HYPK: variants seen among roughly 807,000 people sequenced by gnomAD.
The protein encoded by HYPK is huntingtin interacting protein K.
A neutral mutation model predicts 13.9 loss-of-function variants in HYPK; 9 were observed. The observed-to-expected ratio is 0.65, with a 90% CI of 0.39 to 1.13. HYPK has a LOEUF of 1.13. HYPK is among the 50% of genes most tolerant of loss of function. HYPK has a pLI of 0.01. For synonymous variants in HYPK, 76 were observed against 57.0 expected (o/e 1.33, Z -1.50); for missense variants, 138 against 157.6 (o/e 0.88, Z 0.67).
chr15:43,800,535 A>C, upstream of HYPK: 1 of 1,563,782 alleles, frequency 6.4e-7, no homozygotes, highest in East Asian at 2.3e-5. Context: ...GCCCAGGGCC[A>C]GCCCCGCCTC....
rs539746136 is a variant in HYPK, at chr15:43,801,418, T to C, written c.219-100T>C. 17 of 1,064,112 alleles carry C rather than the reference T, an allele frequency of 1.6e-5. 1 individual carries two copies. In the South Asian group the frequency reaches 2.4e-4, roughly 15 times the overall value. The allele number at this position is 1,064,112 out of a possible 1,614,324, so 65.9% of individuals were successfully genotyped here. On this transcript the variant is annotated intron_variant, in intron 2 of 3. Coordinates refer to ENST00000442995, the MANE Select transcript of HYPK (RefSeq NM_016400.4). ...GAGTTTTTATTTTCAATCAAGGGTT[T>C]ATCAAGATTTATTTACAGGGCACTT...
Position 43,802,031 on chromosome 15 carries a change from G to A in HYPK, c.*225G>A, listed in dbSNP as rs1178488759. On this transcript the variant is annotated 3_prime_UTR_variant, in exon 4 of 4. Coordinates refer to ENST00000442995, the MANE Select transcript of HYPK (RefSeq NM_016400.4). ...ATACCTCATGTGCAGATGCTAGGTG[G>A]CAGGCCAGTCTCATTCATCTGACTA... 1.8e-6 allele frequency: 1 copy of A among 549,248 alleles called. No individual in the cohort carries two copies. The highest frequency in any genetic ancestry group is 3.1e-5 in the East Asian group (1 of 31,968). 34.0% of individuals were successfully genotyped at this position (549,248 alleles called of 1,614,324 possible).
In HYPK at chr15:43,801,205, G is replaced by A; in HGVS notation, c.218+18G>A. ...CAGGAGCGGTAAGTCTTCAGGGGCA[G>A]CCAACTTTAACAGTTCTTCCCTCCC... On this transcript the variant is annotated intron_variant, in intron 2 of 3. Coordinates refer to ENST00000442995, the MANE Select transcript of HYPK (RefSeq NM_016400.4). 1.2e-6 allele frequency: 2 copies of A among 1,609,496 alleles called. No individual in the cohort carries two copies. The highest frequency in any genetic ancestry group is 1.7e-4 in the Middle Eastern group (1 of 6,032).
In HYPK at chr15:43,800,655, G is replaced by T; in HGVS notation, c.33G>T (p.Leu11Phe). The stretch of plus-strand genomic sequence containing the variant: ...CCGAGGGGGATGTGGAGCTGGAGTT[G>T]GAGACTGAGACCAGTGGACCAGAGC... MATEGDVELE[L>F]ETETSGPERP... is the part of the protein sequence containing the mutation. Residue 11 changes from leucine (L) to phenylalanine (F), a missense_variant, in exon 1 of 4, where the codon TTG becomes TTT. Physicochemically the swap from Leu to Phe is conservative, Grantham distance 22. Coordinates refer to ENST00000442995, the MANE Select transcript of HYPK (RefSeq NM_016400.4). 6.2e-7 allele frequency: 1 copy of T among 1,614,156 alleles called. No individual in the cohort carries two copies. The highest frequency in any genetic ancestry group is 2.2e-5 in the East Asian group (1 of 44,874).
chr15:43,804,402 T>C lies in HYPK; in HGVS notation c.*2596T>C, dbSNP rs959438144. The C allele has an allele frequency of 9.9e-5, 15 of 152,232 alleles. No homozygotes were observed. Among genetic ancestry groups the C allele is most frequent in the Non-Finnish European group, 1.8e-4 (12 of 68,040 alleles). 9.4% of individuals were successfully genotyped at this position (152,232 alleles called of 1,614,324 possible). ...TCTCAAAAACATCTGTATTTGGTCA[T>C]GGAATAAATCCAGATGCTACCTAAA... On this transcript the variant is annotated 3_prime_UTR_variant, in exon 4 of 4. Coordinates refer to ENST00000442995, the MANE Select transcript of HYPK (RefSeq NM_016400.4).
intron 3 of HYPK, 42 bp from the exon 4 acceptor site, chr15:43,801,669 A>C: frequency 6.2e-7 from 1 of 1,611,658 alleles, no homozygotes; most frequent in Non-Finnish European, 8.5e-7. Flanking sequence ...TTGGTGGCAC[A>C]TTAATGCCTG....
chr15:43,800,913 G>A, intron 1 of HYPK, 129 bp downstream of exon 1: 1 of 1,014,722 alleles, frequency 9.9e-7, no homozygotes, highest in Non-Finnish European at 1.4e-6. Flanking sequence ...GGGTAGAGCC[G>A]AGGGAAACAG....
intron 1 of HYPK, 143 bp from the exon 2 acceptor site, chr15:43,800,989 A>T: frequency 1.2e-6 from 1 of 853,660 alleles, no homozygotes; most frequent in Non-Finnish European, 1.9e-6. Context: ...CCTCAGGTGC[A>T]TAGAATGGAA....
In HYPK at chr15:43,804,312, G is replaced by A. The variant is rs1485440321; in HGVS notation, c.*2506G>A. On this transcript the variant is annotated 3_prime_UTR_variant, in exon 4 of 4. Transcript: ENST00000442995. ...GTAATTATTTGCATTCATTTTTATC[G>A]TACGACACTAAACTATTTGATTCTT... 1.3e-5 allele frequency among the ~76,000 whole-genome samples: 2 copies of A among 151,940 alleles called. No individual in the cohort carries two copies. Among genetic ancestry groups the A allele is most frequent in the South Asian group, 2.1e-4 (1 of 4,814 alleles).
Position 43,803,216 on chromosome 15 carries a change from T to G in HYPK, c.*1410T>G, listed in dbSNP as rs1014849634. ...CCAGCCTGGGCAACATAGCATGACCTTGTCTCTACTAAAATTAAAAAAAAA... is the reference window on the plus strand; with the variant it reads ...CCAGCCTGGGCAACATAGCATGACCGTGTCTCTACTAAAATTAAAAAAAAA... On this transcript the variant is annotated 3_prime_UTR_variant, in exon 4 of 4. Transcript: ENST00000442995. 3.4e-5 allele frequency among the ~76,000 whole-genome samples: 5 copies of G among 145,322 alleles called. No individual in the cohort carries two copies. The highest frequency in any genetic ancestry group is 7.6e-5 in the Non-Finnish European group (5 of 66,124).
Position 43,801,202 on chromosome 15 carries a change from G to A in HYPK, c.218+15G>A. 6 of 1,611,066 alleles carry A rather than the reference G, an allele frequency of 3.7e-6. No individual in the cohort carries two copies. Among genetic ancestry groups the A allele is most frequent in the Non-Finnish European group, 5.1e-6 (6 of 1,177,264 alleles). On this transcript the variant is annotated intron_variant, in intron 2 of 3. Transcript: ENST00000442995. ...AAACAGGAGCGGTAAGTCTTCAGGGGCAGCCAACTTTAACAGTTCTTCCCT... is the reference window on the plus strand; with the variant it reads ...AAACAGGAGCGGTAAGTCTTCAGGGACAGCCAACTTTAACAGTTCTTCCCT...
In HYPK at chr15:43,801,588, C is replaced by G; in HGVS notation, c.270+19C>G. On this transcript the variant is annotated intron_variant, in intron 3 of 3. Coordinates refer to ENST00000442995, the MANE Select transcript of HYPK (RefSeq NM_016400.4). ...GCTAATAGTGAGTGGTAGTGCCTAACTAGTGTATGCGGAGGGGAGGCTATT... is the reference window on the plus strand; with the variant it reads ...GCTAATAGTGAGTGGTAGTGCCTAAGTAGTGTATGCGGAGGGGAGGCTATT... The G allele has an allele frequency of 6.2e-7, 1 of 1,612,214 alleles. No individual in the cohort carries two copies. The highest frequency in any genetic ancestry group is 8.5e-7 in the Non-Finnish European group (1 of 1,178,300).
At chr15:43,800,479 G>T, upstream of HYPK, 1 of 1,139,058 alleles carries the variant, frequency 8.8e-7, no homozygotes, top group Middle Eastern at 1.9e-4. Context: ...GAGACGAACC[G>T]CCTTCCTCCC....
chr15:43,803,030 C>A lies in HYPK; in HGVS notation c.*1224C>A. The A allele has an allele frequency of 6.6e-6, 1 of 152,080 alleles. No homozygotes were observed. Among genetic ancestry groups the A allele is most frequent in the Non-Finnish European group, 1.5e-5 (1 of 68,094 alleles). 9.4% of individuals were successfully genotyped at this position (152,080 alleles called of 1,614,324 possible). On this transcript the variant is annotated 3_prime_UTR_variant, in exon 4 of 4. Transcript: ENST00000442995. ...ACAGTGAGATTTCGTCTCTACCGCG[C>A]TCCCCCCACCACCAAAAAAAGAATT...
chr15:43,800,653 T>C lies in HYPK; in HGVS notation c.31T>C (p.Leu11=), dbSNP rs1172571489. 1.2e-6 allele frequency: 2 copies of C among 1,613,398 alleles called. No individual in the cohort carries two copies. The highest frequency in any genetic ancestry group is 1.7e-6 in the Non-Finnish European group (2 of 1,179,842). MATEGDVELE[L]ETETSGPERP... is the part of the protein sequence containing the mutation. The stretch of plus-strand genomic sequence containing the variant: ...GACCGAGGGGGATGTGGAGCTGGAG[T>C]TGGAGACTGAGACCAGTGGACCAGA... Residue 11 remains leucine, a synonymous_variant, in exon 1 of 4, where the codon TTG becomes CTG. Coordinates refer to ENST00000442995, the MANE Select transcript of HYPK (RefSeq NM_016400.4).
At chr15:43,800,580 T>C, upstream of HYPK, 1 of 1,612,716 alleles carries the variant, frequency 6.2e-7, no homozygotes, top group South Asian at 1.1e-5. Flanking sequence ...TTGCCGGAAG[T>C]CGGCGTGAGG....
chr15:43,800,853 G>A (rs2087304197), intron 1 of HYPK, 69 bp downstream of exon 1: 1 of 1,416,194 alleles, frequency 7.1e-7, no homozygotes, highest in Admixed American at 2.2e-5. Flanking sequence ...GTAGCTGGAA[G>A]CCAGCGCTCC....
At chr15:43,800,462 A>T (rs1596050391), upstream of HYPK, 1 of 950,964 alleles carries the variant, frequency 1.1e-6, no homozygotes, top group Non-Finnish European at 1.7e-6. Flanking sequence ...CCCGAAAGGA[A>T]GTCTGAGAGA....
rs925215784 is a variant in HYPK, at chr15:43,803,741, T to G, written c.*1935T>G. On this transcript the variant is annotated 3_prime_UTR_variant, in exon 4 of 4. Coordinates refer to ENST00000442995, the MANE Select transcript of HYPK (RefSeq NM_016400.4). ...CCCAGGAGGTTGCAGTGAGCAGAGA[T>G]CGCGCCACTGCACTCCAGACTGGGC... is the stretch of plus-strand genomic sequence containing the variant. Among the ~76,000 whole-genome samples the G allele has an allele frequency of 5.9e-5, 8 of 135,118 alleles. No homozygotes were observed. Among genetic ancestry groups the G allele is most frequent in the African/African-American group, 2.3e-4 (8 of 34,708 alleles). The allele number at this position is 135,118 out of a possible 152,430, so 88.6% of individuals were successfully genotyped here. A position where few individuals can be genotyped will look rare whatever the true frequency, so the allele number is the denominator to read the frequency against.
Sources: allele counts gnomAD v4.1 joint callset (sites outside exome capture counted in the v4.1 genomes callset), GRCh38; gene constraint gnomAD v4.1.1; transcripts MANE v1.5; gene names NCBI Gene and HGNC (gene_info 2026-07-23, HGNC 2026-07-21).